The following ST8SIA1 variants were observed in gnomAD, a reference collection of about 807,000 sequenced individuals.
ST8SIA1 encodes the protein alpha-N-acetylneuraminide alpha-2,8-sialyltransferase.
ST8SIA1 carries 16 observed loss-of-function variants against 35.9 expected under a neutral mutation model. The ratio of observed to expected loss-of-function variants is 0.45; its 90% CI spans 0.30 to 0.68. ST8SIA1 has a LOEUF of 0.68. Among genes scored for constraint, ST8SIA1 ranks in the 30% least tolerant of loss-of-function variants. The pLI, the probability that ST8SIA1 is intolerant of heterozygous loss-of-function variation, is 0.09. For missense variants in ST8SIA1, 383 were observed against 453.6 expected, an observed-to-expected ratio of 0.84 and a Z score of 1.41; for synonymous variants, 170 against 169.6, an observed-to-expected ratio of 1.00 and a Z score of -0.02.
intron 3 of ST8SIA1, 122 bp from the exon 4 acceptor site, chr12:22,249,220 G>GTTTTTTTTTTTTTTTTTTGTTTTTTT (rs878946392): frequency 2.4e-6 from 1 of 412,688 alleles, no homozygotes; most frequent in Non-Finnish European, 4.3e-6. Flanking sequence ...TTTGTTTTTT[G>GTTTTTTTTTTTTTTTTTTGTTTTTTT]TTTTTTTTTT....
chr12:22,249,375 C>T (rs888180105), intron 3 of ST8SIA1, among the ~76,000 whole-genome samples: 4 of 152,006 alleles, frequency 2.6e-5, no homozygotes, highest in East Asian at 1.9e-4. Flanking sequence ...CCTGCCACCA[C>T]ACCCGGCTAA....
At chr12:22,303,678 T>A (rs1284228600) in intron 1 of ST8SIA1, among the ~76,000 whole-genome samples, 5 of 152,228 alleles carry the variant, frequency 3.3e-5, no homozygotes, top group Non-Finnish European at 7.3e-5. Context: ...CTTTTTTTGT[T>A]GTTGTTGTTT....
intron 3 of ST8SIA1, among the ~76,000 whole-genome samples, chr12:22,249,484 T>C (rs893087851): frequency 2.0e-5 from 3 of 152,218 alleles, no homozygotes; most frequent in Non-Finnish European, 4.4e-5. Context: ...CCTCCCAAAG[T>C]ACTGGGATTA....
At chr12:22,234,307 G>A (rs1358819102) in intron 4 of ST8SIA1, among the ~76,000 whole-genome samples, 1 of 151,664 alleles carries the variant, frequency 6.6e-6, no homozygotes, top group African/African-American at 2.4e-5. Context: ...AAAAAACACT[G>A]CCAATAAAAC....
chr12:22,279,555 G>A (rs962317237), intron 2 of ST8SIA1, among the ~76,000 whole-genome samples: 1 of 152,244 alleles, frequency 6.6e-6, no homozygotes, highest in African/African-American at 2.4e-5. Flanking sequence ...CTCCAGCGTA[G>A]AGACTGGGAA....
chr12:22,269,742 G>C (rs1360303239), intron 2 of ST8SIA1, among the ~76,000 whole-genome samples: 1 of 152,110 alleles, frequency 6.6e-6, no homozygotes. Context: ...TTGCTTAATT[G>C]TATGTAAAAC....
At chr12:22,310,391 C>A (rs1168783228) in intron 1 of ST8SIA1, among the ~76,000 whole-genome samples, 1 of 152,122 alleles carries the variant, frequency 6.6e-6, no homozygotes, top group Non-Finnish European at 1.5e-5. Context: ...CTATAAGGGG[C>A]CTGTCTGTGC....
chr12:22,217,100 T>A (rs1285442149), intron 4 of ST8SIA1, among the ~76,000 whole-genome samples: 1 of 152,170 alleles, frequency 6.6e-6, no homozygotes, highest in Non-Finnish European at 1.5e-5. Context: ...TTTCCACAAA[T>A]CACACAACCA....
At chr12:22,271,968 T>A (rs919246530) in intron 2 of ST8SIA1, among the ~76,000 whole-genome samples, 2 of 152,250 alleles carry the variant, frequency 1.3e-5, no homozygotes, top group Non-Finnish European at 2.9e-5. Context: ...TTTATTCATA[T>A]GATAACACTT....
intron 2 of ST8SIA1, among the ~76,000 whole-genome samples, chr12:22,259,649 G>A (rs1198288174): frequency 6.6e-6 from 1 of 151,796 alleles, no homozygotes; most frequent in Non-Finnish European, 1.5e-5. Context: ...TGTATTTTTA[G>A]TAGAGATGGG....
chr12:22,239,129 T>C (rs1268224875), intron 4 of ST8SIA1, among the ~76,000 whole-genome samples: 1 of 152,226 alleles, frequency 6.6e-6, no homozygotes, highest in Admixed American at 6.5e-5. Flanking sequence ...TTTCTTTCTG[T>C]CTGCTTTTAT....
chr12:22,251,550 T>C (rs1014366298), intron 3 of ST8SIA1, among the ~76,000 whole-genome samples: 1 of 152,210 alleles, frequency 6.6e-6, no homozygotes, highest in African/African-American at 2.4e-5. Flanking sequence ...TTCCTGTATC[T>C]CTTCTCTCAG....
chr12:22,281,819 C>CAAAAAAAAAAAAAA (rs11423875), intron 2 of ST8SIA1, among the ~76,000 whole-genome samples: 1 of 102,984 alleles, frequency 9.7e-6, no homozygotes, highest in Admixed American at 1.1e-4. Flanking sequence ...CTTGTCTCTA[C>CAAAAAAAAAAAAAA]AAAAAAAAAA....
intron 1 of ST8SIA1, among the ~76,000 whole-genome samples, chr12:22,321,642 T>G (rs1326740268): frequency 1.3e-5 from 2 of 152,150 alleles, no homozygotes; most frequent in Admixed American, 1.3e-4. Flanking sequence ...AAAAAATTAA[T>G]AAAACCTGGC....
At chr12:22,221,634 T>C (rs780140192) in intron 4 of ST8SIA1, among the ~76,000 whole-genome samples, 19 of 152,182 alleles carry the variant, frequency 1.2e-4, no homozygotes, top group Non-Finnish European at 2.4e-4. Context: ...CAAACCACAG[T>C]AGACTGCAAA....
intron 4 of ST8SIA1, among the ~76,000 whole-genome samples, chr12:22,226,255 T>A (rs867423764): frequency 6.6e-6 from 1 of 152,066 alleles, no homozygotes; most frequent in Non-Finnish European, 1.5e-5. Context: ...TACCATGACA[T>A]CTGTCCTGAA....
intron 4 of ST8SIA1, among the ~76,000 whole-genome samples, chr12:22,233,305 A>C (rs1243494916): frequency 6.6e-6 from 1 of 152,240 alleles, no homozygotes; most frequent in Non-Finnish European, 1.5e-5. Flanking sequence ...GGATTTCCAA[A>C]GTAGAAATAA....
At chr12:22,267,013 C>A (rs895324440) in intron 2 of ST8SIA1, among the ~76,000 whole-genome samples, 4 of 152,058 alleles carry the variant, frequency 2.6e-5, no homozygotes, top group Non-Finnish European at 5.9e-5. Context: ...AATCCAACTC[C>A]ATTTTTTCAG....
chr12:22,261,359 C>T (rs1041621740), intron 2 of ST8SIA1, among the ~76,000 whole-genome samples: 1 of 152,086 alleles, frequency 6.6e-6, no homozygotes, highest in East Asian at 1.9e-4. Flanking sequence ...GTTGGCCAGA[C>T]TTCAGGTGAT....
Sources: allele counts gnomAD v4.1 joint callset (sites outside exome capture counted in the v4.1 genomes callset), GRCh38; gene constraint gnomAD v4.1.1; transcripts MANE v1.5; gene names NCBI Gene and HGNC (gene_info 2026-07-23, HGNC 2026-07-21).